Variants in CCDC171 observed in about 807,000 individuals in gnomAD.
CCDC171 encodes coiled-coil domain-containing protein 171.
In CCDC171, 177 loss-of-function variants were observed where a neutral mutation model predicts 168.2. That is an observed-to-expected ratio of 1.05 (90% CI 0.93 to 1.19). The LOEUF (loss-of-function observed/expected upper bound fraction) is 1.19, where lower values mean the gene tolerates loss of function less well. Ranked by LOEUF, CCDC171 falls within the 50% of genes most tolerant of loss-of-function variation. The pLI, the probability that CCDC171 is intolerant of heterozygous loss-of-function variation, is 0.00. For missense variants in CCDC171, 1,991 were observed against 1,539.0 expected (o/e 1.29, Z -4.91); for synonymous variants, 687 against 540.8 (o/e 1.27, Z -3.75).
intron 25 of CCDC171, among the ~76,000 whole-genome samples, chr9:15,970,383 A>T (rs1831229915): frequency 1.3e-5 from 2 of 151,788 alleles, no homozygotes; most frequent in African/African-American, 4.8e-5. Flanking sequence ...CTGTAAGAGG[A>T]TCTACTAAAA....
At chr9:15,980,768 A>G (rs1260226232) in intron 3 of CCDC171, among the ~76,000 whole-genome samples, 2 of 151,140 alleles carry the variant, frequency 1.3e-5, no homozygotes, top group African/African-American at 4.9e-5. Flanking sequence ...TAACTATTTC[A>G]AAGCACCTGC....
chr9:15,970,437 T>C (rs1720085423), intron 25 of CCDC171, among the ~76,000 whole-genome samples: 1 of 152,086 alleles, frequency 6.6e-6, no homozygotes, highest in African/African-American at 2.4e-5. Flanking sequence ...GTATGATTTT[T>C]AGTGGAGATA....
At chr9:15,847,356 A>C (rs1316749750) in intron 22 of CCDC171, among the ~76,000 whole-genome samples, 1 of 152,094 alleles carries the variant, frequency 6.6e-6, no homozygotes, top group Admixed American at 6.6e-5. Context: ...TTTAATTTTT[A>C]TAGCTGTATA....
chr9:15,835,927 C>G (rs1397286131), intron 21 of CCDC171, among the ~76,000 whole-genome samples: 1 of 151,900 alleles, frequency 6.6e-6, no homozygotes, highest in Non-Finnish European at 1.5e-5. Context: ...TATGGTACCC[C>G]TCTTTATTTT....
At chr9:15,749,421 A>G (rs1324312627) in intron 18 of CCDC171, among the ~76,000 whole-genome samples, 1 of 152,206 alleles carries the variant, frequency 6.6e-6, no homozygotes, top group Non-Finnish European at 1.5e-5. Flanking sequence ...AACGAGACAG[A>G]AAATTAACAG....
At chr9:15,692,652 C>G (rs2050893286) in intron 10 of CCDC171, among the ~76,000 whole-genome samples, 1 of 151,238 alleles carries the variant, frequency 6.6e-6, no homozygotes, top group African/African-American at 2.4e-5. Flanking sequence ...CTCAGCCTCC[C>G]AAGTAGCTGG....
intron 21 of CCDC171, among the ~76,000 whole-genome samples, chr9:15,810,283 G>A (rs1325695729): frequency 6.6e-6 from 1 of 152,218 alleles, no homozygotes; most frequent in Non-Finnish European, 1.5e-5. Context: ...CCTCTGGCTA[G>A]ACATAAAAGT....
At chr9:15,656,480 G>A (rs1406402843) in intron 7 of CCDC171, among the ~76,000 whole-genome samples, 1 of 152,178 alleles carries the variant, frequency 6.6e-6, no homozygotes, top group Non-Finnish European at 1.5e-5. Flanking sequence ...CTGGAAACAA[G>A]TCAAATGTCC....
chr9:16,022,414 C>T (rs1461570645), exon 5 of CCDC171: 3 of 152,224 alleles, frequency 2.0e-5, no homozygotes, highest in Admixed American at 2.0e-4. Context: ...AGGAGGCCCT[C>T]CCACCCATCC....
intron 23 of CCDC171, among the ~76,000 whole-genome samples, chr9:15,867,298 AAT>A (rs891647433): frequency 1.6e-4 from 24 of 152,162 alleles, no homozygotes; most frequent in Admixed American, 1.4e-3. Flanking sequence ...AGTAAATAAT[AAT>A]ATATAGTTAT....
intron 4 of CCDC171, among the ~76,000 whole-genome samples, chr9:16,021,246 C>T (rs1489892291): frequency 1.3e-5 from 2 of 152,138 alleles, no homozygotes; most frequent in African/African-American, 4.8e-5. Flanking sequence ...TGTCACCACA[C>T]CCAGCTAGTT....
intron 7 of CCDC171, among the ~76,000 whole-genome samples, chr9:15,624,462 A>T (rs915530637): frequency 7.9e-4 from 118 of 150,308 alleles, no homozygotes; most frequent in African/African-American, 2.7e-3. Flanking sequence ...ATCCCTCCCC[A>T]CTCCCCCACC....
chr9:15,843,937 C>T (rs1329859997), intron 21 of CCDC171, among the ~76,000 whole-genome samples: 4 of 152,156 alleles, frequency 2.6e-5, no homozygotes, highest in Admixed American at 1.3e-4. Flanking sequence ...GTTCCAGGCT[C>T]AGCCTCCAAC....
chr9:15,934,657 C>T (rs1438137393), intron 25 of CCDC171, among the ~76,000 whole-genome samples: 1 of 151,920 alleles, frequency 6.6e-6, no homozygotes, highest in Non-Finnish European at 1.5e-5. Context: ...TGCATATATA[C>T]CCAAAAGAAT....
At chr9:15,790,002 G>T (rs10962162) in intron 21 of CCDC171, among the ~76,000 whole-genome samples, 58,893 of 151,900 alleles carry the variant, frequency 0.39, 13,225 homozygotes, top group East Asian at 0.65. Flanking sequence ...AGTCTATCAT[G>T]GTTGGACATT....
At chr9:15,969,455 A>T (rs564416154) in intron 25 of CCDC171, among the ~76,000 whole-genome samples, 1 of 152,296 alleles carries the variant, frequency 6.6e-6, no homozygotes, top group African/African-American at 2.4e-5. Context: ...TATTGACAAA[A>T]CAGGAATGGT....
intron 21 of CCDC171, among the ~76,000 whole-genome samples, chr9:15,824,359 T>A (rs933524640): frequency 1.3e-5 from 2 of 152,012 alleles, no homozygotes; most frequent in Non-Finnish European, 2.9e-5. Flanking sequence ...TGTTAATATA[T>A]ATGTGTATAT....
At chr9:16,070,271 C>T in the CCDC171 span, among the ~76,000 whole-genome samples, 15 of 152,262 alleles carry the variant, frequency 9.9e-5, no homozygotes, top group African/African-American at 3.1e-4. Flanking sequence ...ATTCTGAAGT[C>T]CAGCCAAGGA....
At chr9:15,713,070 G>A (rs1166966537) in intron 11 of CCDC171, among the ~76,000 whole-genome samples, 1 of 152,102 alleles carries the variant, frequency 6.6e-6, no homozygotes, top group Non-Finnish European at 1.5e-5. Flanking sequence ...TTCTTTCCAA[G>A]TACCTAACCA....
Sources: gnomAD v4.1 joint callset for allele counts (sites outside exome capture counted in the v4.1 genomes callset) on GRCh38, gnomAD v4.1.1 for gene constraint, MANE v1.5 for transcripts, NCBI Gene and HGNC (gene_info 2026-07-23, HGNC 2026-07-21) for gene names.